Variants in PLCZ1 observed in about 807,000 individuals in gnomAD.
PLCZ1 encodes phospholipase C zeta 1.
A neutral mutation model predicts 76.8 loss-of-function variants in PLCZ1; 64 were observed. The observed-to-expected ratio is 0.83, with a 90% CI of 0.68 to 1.03. PLCZ1 has a LOEUF of 1.03. Among genes scored for constraint, PLCZ1 ranks in the 50% least tolerant of loss-of-function variants. The probability of loss-of-function intolerance (pLI) is 0.00; values close to 1 mark genes in which losing one functional copy is unlikely to be tolerated. For missense variants in PLCZ1, 751 were observed against 713.7 expected (o/e 1.05, Z -0.60); for synonymous variants, 248 against 230.8 (o/e 1.07, Z -0.68).
rs1957485385 is a variant in PLCZ1 at position 18,712,713 on chromosome 12, A to G, written c.714+129T>C. The G allele has an allele frequency of 8.0e-6, 9 of 1,127,150 alleles. No individual in the cohort carries two copies. The East Asian group carries it at 1.7e-4, about 22-fold the overall frequency. The allele number at this position is 1,127,150 out of a possible 1,614,324, so 69.8% of individuals were successfully genotyped here. ...ATATACAACATGGATTTCACTGCCTACTAATGGATCATAACCCACAATTTG... is the reference window on the plus strand; with the variant it reads ...ATATACAACATGGATTTCACTGCCTGCTAATGGATCATAACCCACAATTTG... On this transcript the variant is annotated intron_variant, in intron 6 of 14. Transcript: ENST00000266505.
At position 18,726,832 on chromosome 12, in the gene PLCZ1, A is replaced by G. The variant is rs75949537; in HGVS notation, c.136-3290T>C. On this transcript the variant is annotated intron_variant, in intron 3 of 14. Coordinates refer to ENST00000266505, the MANE Select transcript of PLCZ1 (RefSeq NM_033123.4). ...AATTCAAATTACATTACAGGAAATGATATGACTTGCCACTTTCTTTTTTCC... is the reference window on the plus strand; with the variant it reads ...AATTCAAATTACATTACAGGAAATGGTATGACTTGCCACTTTCTTTTTTCC... Among the ~76,000 whole-genome samples the G allele has an allele frequency of 1.7e-3, 254 of 152,270 alleles. 1 individual carries two copies. Among genetic ancestry groups the G allele is most frequent in the African/African-American group, 6.0e-3 (250 of 41,562 alleles).
At chr12:18,694,240 G>A in intron 12 of PLCZ1, 4 of 602,170 alleles carry the variant, frequency 6.6e-6, no homozygotes, top group Non-Finnish European at 9.0e-6. Context: ...GGAGTACGAT[G>A]TGTAAGTGCC....
At chr12:18,684,426 T>C in intron 13 of PLCZ1, 147 bp from the exon 14 acceptor site, 1 of 693,000 alleles carries the variant, frequency 1.4e-6, no homozygotes, top group South Asian at 1.9e-5. Context: ...ATATACTCAG[T>C]GTGAGAGGAA....
At chr12:18,673,634 A>AATAATATAAAC in the PLCZ1 span, among the ~76,000 whole-genome samples, 1 of 152,320 alleles carries the variant, frequency 6.6e-6, no homozygotes, top group Admixed American at 6.5e-5. Context: ...CGCATTAATT[A>AATAATATAAAC]TCTCATAGTT....
At chr12:18,736,613 C>A (rs10841080) in intron 2 of PLCZ1, 361,661 of 1,290,092 alleles carry the variant, frequency 0.28, 51,928 homozygotes, top group Middle Eastern at 0.37. Flanking sequence ...TTACTTAGAA[C>A]ATACATTAAA....
intron 6 of PLCZ1, among the ~76,000 whole-genome samples, chr12:18,707,036 T>C (rs1956686685): frequency 6.6e-6 from 1 of 152,192 alleles, no homozygotes; most frequent in Non-Finnish European, 1.5e-5. Flanking sequence ...TGTCCCTGTC[T>C]TCCCACTGCC....
the PLCZ1 span, among the ~76,000 whole-genome samples, chr12:18,650,664 A>ATGTGTG: frequency 1.3e-3 from 47 of 35,600 alleles, no homozygotes; most frequent in South Asian, 1.7e-3. Flanking sequence ...TGGAATATAA[A>ATGTGTG]TGTGTGTGTG....
At chr12:18,713,122 T>C (rs1428958900) in intron 5 of PLCZ1, 136 bp from the exon 6 acceptor site, 1 of 1,190,848 alleles carries the variant, frequency 8.4e-7, no homozygotes, top group Non-Finnish European at 1.2e-6. Flanking sequence ...TAAAAACTTG[T>C]CTTTGGGACA....
At position 18,736,144 on chromosome 12, in the gene PLCZ1, A is replaced by C; in HGVS notation, c.135+77T>G. On this transcript the variant is annotated intron_variant, in intron 3 of 14. Transcript: ENST00000266505. The stretch of plus-strand genomic sequence containing the variant: ...AATTGCTTTTCTTCTTAAGAGACTA[A>C]CCTTTATATGACAATTACTGACATT... 3 of 1,514,956 alleles carry C rather than the reference A, an allele frequency of 2.0e-6. No individual in the cohort carries two copies. The South Asian group carries it at 3.6e-5, about 18-fold the overall frequency. 93.8% of individuals were successfully genotyped at this position (1,514,956 alleles called of 1,614,324 possible). A position where few individuals can be genotyped will look rare whatever the true frequency, so the allele number is the denominator to read the frequency against.
chr12:18,647,908 A>G, the PLCZ1 span: 1 of 1,590,458 alleles, frequency 6.3e-7, no homozygotes, highest in Non-Finnish European at 8.6e-7. Context: ...AGCTCCAAGG[A>G]CATGTCTTAA....
At chr12:18,685,448 T>A (rs147096078) in intron 13 of PLCZ1, 58 of 205,326 alleles carry the variant, frequency 2.8e-4, no homozygotes, top group African/African-American at 1.2e-3. Context: ...ACAAAGGCAA[T>A]GCTACACTTG....
chr12:18,708,083 T>A (rs1956837934), intron 6 of PLCZ1, among the ~76,000 whole-genome samples: 1 of 152,214 alleles, frequency 6.6e-6, no homozygotes, highest in Non-Finnish European at 1.5e-5. Flanking sequence ...TTACCTATAA[T>A]CCTCATATGA....
the PLCZ1 span, among the ~76,000 whole-genome samples, chr12:18,659,645 A>G: frequency 6.7e-6 from 1 of 148,348 alleles, no homozygotes; most frequent in Non-Finnish European, 1.5e-5. Flanking sequence ...CTCCTTTACT[A>G]TGGAATAGTT....
chr12:18,731,350 G>A (rs1284818994), intron 3 of PLCZ1, among the ~76,000 whole-genome samples: 2 of 151,956 alleles, frequency 1.3e-5, no homozygotes, highest in Non-Finnish European at 2.9e-5. Flanking sequence ...GCAAAGATCA[G>A]GTAGGCTTAC....
rs1345807242 is a variant in PLCZ1 at position 18,704,677 on chromosome 12, T to C, written c.864+489A>G. 3.3e-5 allele frequency among the ~76,000 whole-genome samples: 5 copies of C among 152,144 alleles called. No individual in the cohort carries two copies. In the East Asian group the frequency reaches 9.7e-4, roughly 30 times the overall value. On this transcript the variant is annotated intron_variant, in intron 7 of 14. Coordinates refer to ENST00000266505, the MANE Select transcript of PLCZ1 (RefSeq NM_033123.4). ...GCCAGAGAGAGAAGTGAAGTCCTGATGGTAGATGTGGACGTGATTTTTCAA... is the reference window on the plus strand; with the variant it reads ...GCCAGAGAGAGAAGTGAAGTCCTGACGGTAGATGTGGACGTGATTTTTCAA...
At chr12:18,730,347 TC>T (rs1958974059) in intron 3 of PLCZ1, among the ~76,000 whole-genome samples, 1 of 152,122 alleles carries the variant, frequency 6.6e-6, no homozygotes, top group Non-Finnish European at 1.5e-5. Flanking sequence ...CCCTAAGGAT[TC>T]TACTTAATCA....
intron 3 of PLCZ1, among the ~76,000 whole-genome samples, chr12:18,734,626 C>T (rs1959181888): frequency 6.6e-6 from 1 of 152,210 alleles, no homozygotes; most frequent in Non-Finnish European, 1.5e-5. Flanking sequence ...GCTGTGATTA[C>T]AGGCATGAGC....
At chr12:18,678,514 C>T (rs1952149051), downstream of PLCZ1, among the ~76,000 whole-genome samples, 1 of 152,002 alleles carries the variant, frequency 6.6e-6, no homozygotes, top group Non-Finnish European at 1.5e-5. Context: ...TCCCTCTTTC[C>T]ATCCCTAACG....
At chr12:18,664,007 T>C in the PLCZ1 span, among the ~76,000 whole-genome samples, 1 of 152,072 alleles carries the variant, frequency 6.6e-6, no homozygotes, top group Non-Finnish European at 1.5e-5. Flanking sequence ...ATGCTCAACA[T>C]CACTAATCAT....
Sources: allele counts gnomAD v4.1 joint callset (sites outside exome capture counted in the v4.1 genomes callset), GRCh38; gene constraint gnomAD v4.1.1; transcripts MANE v1.5; gene names NCBI Gene and HGNC (gene_info 2026-07-23, HGNC 2026-07-21).